Variants in EPB41L5 observed in about 807,000 individuals in gnomAD.
The protein encoded by EPB41L5 is band 4.1-like protein 5.
EPB41L5 carries 55 observed loss-of-function variants against 106.6 expected under a neutral mutation model. The ratio of observed to expected loss-of-function variants is 0.52; its 90% confidence interval spans 0.42 to 0.65. EPB41L5 has a LOEUF of 0.65. EPB41L5 is among the 30% of genes least tolerant of loss of function. EPB41L5 has a pLI of 0.00. For missense variants in EPB41L5, 871 were observed against 882.1 expected (o/e 0.99, Z 0.16); for synonymous variants, 297 against 306.7 (o/e 0.97, Z 0.33).
At chr2:120,106,293 A>G in intron 16 of EPB41L5, 1 of 985,394 alleles carries the variant, frequency 1.0e-6, no homozygotes, top group Non-Finnish European at 1.2e-6. Flanking sequence ...ATGGTAGTAA[A>G]ATTAAACTTG....
intron 2 of EPB41L5, among the ~76,000 whole-genome samples, chr2:120,038,336 C>G (rs1278929456): frequency 6.6e-6 from 1 of 152,148 alleles, no homozygotes; most frequent in Non-Finnish European, 1.5e-5. Flanking sequence ...TGATTCATAC[C>G]TATCAAGTGG....
intron 1 of EPB41L5, among the ~76,000 whole-genome samples, chr2:120,017,488 ACT>A (rs778660872): frequency 1.3e-5 from 2 of 151,730 alleles, no homozygotes; most frequent in Non-Finnish European, 2.9e-5. Context: ...GTGTACTTAA[ACT>A]CTCTTTGTTG....
In EPB41L5 at chr2:120,176,742, C is replaced by T. The variant is rs761164124; in HGVS notation, c.*1835C>T. 2 of 152,138 alleles carry T rather than the reference C, an allele frequency of 1.3e-5. No individual in the cohort carries two copies. The highest frequency in any genetic ancestry group is 6.5e-5 in the Admixed American group (1 of 15,276). The allele number at this position is 152,138 out of a possible 1,614,324, so 9.4% of individuals were successfully genotyped here. Reference sequence around the variant, plus strand: ...ATCAAATTTTCAGTGTCTTGGCAACCGTAGATGTCCTACAGGGTTACCGTT... The same window carrying T: ...ATCAAATTTTCAGTGTCTTGGCAACTGTAGATGTCCTACAGGGTTACCGTT... On this transcript the variant is annotated 3_prime_UTR_variant, in exon 25 of 25. Transcript: ENST00000263713.
chr2:120,117,252 A>G (rs1055231809), intron 16 of EPB41L5, among the ~76,000 whole-genome samples: 1 of 152,148 alleles, frequency 6.6e-6, no homozygotes, highest in Non-Finnish European at 1.5e-5. Context: ...CCCTGCGAGA[A>G]ACCTGGCTTC....
Position 120,075,531 on chromosome 2 carries a change from G to A in EPB41L5, c.452+11G>A, listed in dbSNP as rs1168936184. On this transcript the variant is annotated intron_variant, in intron 6 of 24. Coordinates refer to ENST00000263713, the MANE Select transcript of EPB41L5 (RefSeq NM_020909.4). ...TATTCTCAGTGGAAAGTGAGTATTA[G>A]TTATTTAAGGATAAATGCACATTTT... The A allele has an allele frequency of 5.2e-6, 8 of 1,533,102 alleles. No homozygotes were observed. The highest frequency in any genetic ancestry group is 7.2e-6 in the Non-Finnish European group (8 of 1,109,270). 95.0% of individuals were successfully genotyped at this position (1,533,102 alleles called of 1,614,324 possible). A position where few individuals can be genotyped will look rare whatever the true frequency, so the allele number is the denominator to read the frequency against.
At chr2:120,093,388 C>G in intron 14 of EPB41L5, 112 bp downstream of exon 14, 2 of 853,806 alleles carry the variant, frequency 2.3e-6, no homozygotes, top group South Asian at 2.8e-5. Flanking sequence ...CCGTAAAGCA[C>G]CAGGGATATG....
At chr2:120,024,457 GTGTT>G (rs773820896) in intron 2 of EPB41L5, among the ~76,000 whole-genome samples, 2 of 152,182 alleles carry the variant, frequency 1.3e-5, no homozygotes, top group African/African-American at 2.4e-5. Flanking sequence ...TTTTGTGTGT[GTGTT>G]TGTTTATTTT....
chr2:120,060,512 A>C (rs540146146), intron 3 of EPB41L5, among the ~76,000 whole-genome samples: 394 of 152,324 alleles, frequency 2.6e-3, no homozygotes, highest in Middle Eastern at 6.8e-3. Context: ...AGCCAGTATC[A>C]AAAGGTTATA....
At position 120,167,474 on chromosome 2, in the gene EPB41L5, C is replaced by T; in HGVS notation, c.1971C>T (p.Ser657=). 6.2e-7 allele frequency: 1 copy of T among 1,613,070 alleles called. No individual in the cohort carries two copies. Among genetic ancestry groups the T allele is most frequent in the Non-Finnish European group, 8.5e-7 (1 of 1,179,228 alleles). The part of the protein sequence containing the change: ...IDHTVAPQVS[S]TSMITPRWIV... The stretch of plus-strand genomic sequence containing the variant: ...ATATAAAATTATTTCAGGTGTCTTC[C>T]ACATCCATGATCACACCCCGGTGGA... The change falls in exon 23 of 25, where the codon TCC becomes TCT. Residue 657 remains serine (S), a synonymous_variant. Transcript: ENST00000263713.
chr2:120,110,809 A>G (rs1330406059), intron 16 of EPB41L5, among the ~76,000 whole-genome samples: 1 of 151,362 alleles, frequency 6.6e-6, no homozygotes, highest in Non-Finnish European at 1.5e-5. Context: ...TAATTTTTGT[A>G]TTTTTTAGTA....
intron 2 of EPB41L5, among the ~76,000 whole-genome samples, chr2:120,035,254 AAAAAATTTTTTTT>A (rs1678971482): frequency 1.3e-5 from 2 of 152,138 alleles, no homozygotes; most frequent in African/African-American, 2.4e-5. Flanking sequence ...GATTCTTCTA[AAAAAATTTTTTTT>A]AAAAATTTTT....
intron 16 of EPB41L5, among the ~76,000 whole-genome samples, chr2:120,117,978 G>A (rs1685026382): frequency 6.6e-6 from 1 of 152,002 alleles, no homozygotes; most frequent in African/African-American, 2.4e-5. Flanking sequence ...GTTTTTCACT[G>A]TTTACTTTTA....
At chr2:120,102,385 G>T (rs559220332) in intron 16 of EPB41L5, among the ~76,000 whole-genome samples, 20 of 152,264 alleles carry the variant, frequency 1.3e-4, no homozygotes, top group African/African-American at 4.6e-4. Flanking sequence ...TGCTGAAATA[G>T]AGTAAAGTGA....
chr2:120,090,660 A>G lies in EPB41L5; in HGVS notation c.1043+144A>G, dbSNP rs1264924315. 4.7e-6 allele frequency: 3 copies of G among 638,432 alleles called. No homozygotes were observed. The East Asian group carries it at 8.5e-5, about 18-fold the overall frequency. 39.5% of individuals were successfully genotyped at this position (638,432 alleles called of 1,614,324 possible). ...AGAGTCTTCCATTGGCCAAAATAAA[A>G]TAGAAAAAGTGGTATTGTTATTGGT... On this transcript the variant is annotated intron_variant, in intron 12 of 24. Transcript: ENST00000263713.
chr2:120,128,028 A>G, intron 17 of EPB41L5, 177 bp downstream of exon 17: 1 of 472,034 alleles, frequency 2.1e-6, no homozygotes. Flanking sequence ...ATTTAAGATA[A>G]CATAATTGAG....
At chr2:120,066,272 A>G (rs990299192) in intron 3 of EPB41L5, among the ~76,000 whole-genome samples, 1 of 152,112 alleles carries the variant, frequency 6.6e-6, no homozygotes, top group African/African-American at 2.4e-5. Flanking sequence ...AAAAAAAATC[A>G]CTCGCAATTT....
At chr2:120,151,610 C>CTTTTT (rs529496809) in intron 20 of EPB41L5, among the ~76,000 whole-genome samples, 1 of 116,818 alleles carries the variant, frequency 8.6e-6, no homozygotes, top group African/African-American at 4.3e-5. Context: ...GCGTCTGGCC[C>CTTTTT]TTTTTTTTTT....
intron 16 of EPB41L5, among the ~76,000 whole-genome samples, chr2:120,117,291 C>T (rs1020676683): frequency 6.6e-6 from 1 of 152,172 alleles, no homozygotes; most frequent in Non-Finnish European, 1.5e-5. Context: ...TAAACAGTTT[C>T]AGAATTGCTA....
intron 5 of EPB41L5, 68 bp from the exon 6 acceptor site, chr2:120,075,408 A>T: frequency 8.9e-7 from 1 of 1,126,120 alleles, no homozygotes. Flanking sequence ...CTCAAGTTAG[A>T]AGTGTAAGAT....
Sources: allele counts gnomAD v4.1 joint callset (sites outside exome capture counted in the v4.1 genomes callset), GRCh38; gene constraint gnomAD v4.1.1; transcripts MANE v1.5; gene names NCBI Gene and HGNC (gene_info 2026-07-23, HGNC 2026-07-21).